Variants in LRPPRC observed in about 807,000 individuals in gnomAD.
LRPPRC encodes leucine rich pentatricopeptide repeat containing, also known as leucine-rich PPR motif-containing protein, mitochondrial.
Under a neutral mutation model 180.3 loss-of-function variants are expected in LRPPRC, and 120 were observed. The observed-to-expected ratio is 0.67, with a 90% CI of 0.57 to 0.77. The LOEUF is 0.77. Ranked by LOEUF, LRPPRC falls within the 30% of genes least tolerant of loss-of-function variation. The probability of loss-of-function intolerance (pLI) is 0.00; values close to 1 mark genes in which losing one functional copy is unlikely to be tolerated. For missense variants in LRPPRC, 2,012 were observed against 1,657.2 expected, an observed-to-expected ratio of 1.21 and a Z score of -3.72; for synonymous variants, 723 against 600.0, an observed-to-expected ratio of 1.21 and a Z score of -3.00.
At chr2:43,942,006 A>G (rs1325008355) in intron 23 of LRPPRC, among the ~76,000 whole-genome samples, 1 of 152,152 alleles carries the variant, frequency 6.6e-6, no homozygotes, top group African/African-American at 2.4e-5. Flanking sequence ...AGACACAGAA[A>G]TATCTGACTT....
intron 31 of LRPPRC, among the ~76,000 whole-genome samples, chr2:43,904,178 G>T (rs1290897383): frequency 6.6e-6 from 1 of 152,126 alleles, no homozygotes. Flanking sequence ...CTGGACTCAA[G>T]CAATCCTCCT....
At position 43,974,191 on chromosome 2, in the gene LRPPRC, A is replaced by G; in HGVS notation, c.1114T>C (p.Phe372Leu). Residue 372 changes from phenylalanine (F) to leucine (L), a missense_variant, in exon 9 of 38, where the codon TTT becomes CTT. Transcript: ENST00000260665. ...CAGTGTTGTAAAAAGAAACTGCCAA[A>G]GACACTTGGGCCATCTTCCTTTGAT... ...PVSKEDGPSV[F>L]GSFFLQHCVT... The G allele has an allele frequency of 6.2e-7, 1 of 1,613,804 alleles. No homozygotes were observed. Among genetic ancestry groups the G allele is most frequent in the Non-Finnish European group, 8.5e-7 (1 of 1,179,660 alleles).
At chr2:43,963,234 C>T (rs1477857565) in intron 12 of LRPPRC, among the ~76,000 whole-genome samples, 3 of 152,100 alleles carry the variant, frequency 2.0e-5, no homozygotes. Flanking sequence ...CACCTGAGGT[C>T]GGGAGTTTGA....
chr2:43,934,500 AT>A (rs943145566), intron 24 of LRPPRC, among the ~76,000 whole-genome samples: 4 of 152,128 alleles, frequency 2.6e-5, no homozygotes, highest in African/African-American at 4.8e-5. Flanking sequence ...GGTAAAAAAA[AT>A]CTTCATAAAG....
intron 32 of LRPPRC, among the ~76,000 whole-genome samples, chr2:43,900,116 C>T (rs1173973283): frequency 6.6e-6 from 1 of 152,072 alleles, no homozygotes. Flanking sequence ...ATGTCTCTAA[C>T]TTATGGTCGC....
chr2:43,971,837 T>C (rs1673829690), intron 11 of LRPPRC, among the ~76,000 whole-genome samples: 1 of 152,188 alleles, frequency 6.6e-6, no homozygotes, highest in Non-Finnish European at 1.5e-5. Flanking sequence ...GAATATATAC[T>C]TTACTATCTT....
At chr2:43,987,164 T>G (rs1674562301) in intron 1 of LRPPRC, among the ~76,000 whole-genome samples, 1 of 152,124 alleles carries the variant, frequency 6.6e-6, no homozygotes. Context: ...GAGTTTTAAA[T>G]GTATCCAAAA....
intron 16 of LRPPRC, 40 bp downstream of exon 16, chr2:43,949,562 A>G: frequency 6.5e-7 from 1 of 1,533,578 alleles, no homozygotes; most frequent in Non-Finnish European, 9.0e-7. Context: ...AGAAAAATGG[A>G]TTTGTGGATA....
chr2:43,946,148 A>G lies in LRPPRC; in HGVS notation c.2175T>C (p.Asp725=). Residue 725 remains aspartate, a synonymous_variant, in exon 21 of 38, where the codon GAT becomes GAC. Transcript: ENST00000260665. ...AALINLCCRH[D]KVEDALNLKE... is the part of the protein sequence containing the mutation. ...TCAAGTTCAAGGCATCTTCTACTTTATCATGTCGACAGCATAAATTTATTA... is the reference window on the plus strand; with the variant it reads ...TCAAGTTCAAGGCATCTTCTACTTTGTCATGTCGACAGCATAAATTTATTA... 6.2e-7 allele frequency: 1 copy of G among 1,612,630 alleles called. No individual in the cohort carries two copies. Among genetic ancestry groups the G allele is most frequent in the Non-Finnish European group, 8.5e-7 (1 of 1,178,830 alleles).
intron 6 of LRPPRC, among the ~76,000 whole-genome samples, chr2:43,975,836 G>C (rs1018362464): frequency 1.3e-4 from 20 of 152,084 alleles, no homozygotes; most frequent in African/African-American, 4.8e-4. Context: ...GCCCACCTCA[G>C]CCTCCCAAAG....
chr2:43,918,999 G>A (rs996872643), intron 27 of LRPPRC, among the ~76,000 whole-genome samples: 4 of 151,974 alleles, frequency 2.6e-5, no homozygotes, highest in Non-Finnish European at 5.9e-5. Context: ...AAAGGCTACA[G>A]GTACTGGTCC....
In LRPPRC at chr2:43,963,941, A is replaced by C. The variant is rs72879125; in HGVS notation, c.1370-235T>G. The stretch of plus-strand genomic sequence containing the variant: ...ATTTCAAGAAACTATCCTTGAAATT[A>C]TAAGTATAAAGAAACTTGAAACAAT... On this transcript the variant is annotated intron_variant, in intron 11 of 37. Coordinates refer to ENST00000260665, the MANE Select transcript of LRPPRC (RefSeq NM_133259.4). The C allele has an allele frequency of 1.6e-5, 9 of 565,520 alleles. No homozygotes were observed. The Middle Eastern group carries it at 1.4e-3, about 89-fold the overall frequency. 35.0% of individuals were successfully genotyped at this position (565,520 alleles called of 1,614,324 possible). A position where few individuals can be genotyped will look rare whatever the true frequency, so the allele number is the denominator to read the frequency against.
intron 34 of LRPPRC, among the ~76,000 whole-genome samples, chr2:43,897,503 C>T (rs746601951): frequency 2.0e-5 from 3 of 152,144 alleles, no homozygotes; most frequent in Non-Finnish European, 2.9e-5. Context: ...AGAACATTTA[C>T]ATTACGCACT....
intron 29 of LRPPRC, among the ~76,000 whole-genome samples, chr2:43,915,697 A>T (rs1232377940): frequency 6.6e-6 from 1 of 152,172 alleles, no homozygotes; most frequent in Admixed American, 6.5e-5. Flanking sequence ...ATGACTCAGA[A>T]TGAATAAAAA....
chr2:43,966,504 G>C (rs1673566232), intron 11 of LRPPRC, among the ~76,000 whole-genome samples: 1 of 151,514 alleles, frequency 6.6e-6, no homozygotes, highest in South Asian at 2.1e-4. Context: ...TCCACCTCCT[G>C]GGTTCAAGCG....
intron 30 of LRPPRC, among the ~76,000 whole-genome samples, chr2:43,908,858 C>T (rs6756365): frequency 6.6e-6 from 1 of 151,998 alleles, no homozygotes; most frequent in Non-Finnish European, 1.5e-5. Context: ...TCAAGGTTGA[C>T]CAAGTGACCT....
At chr2:43,948,061 T>A in intron 18 of LRPPRC, 61 bp downstream of exon 18, 1 of 1,144,664 alleles carries the variant, frequency 8.7e-7, no homozygotes, top group Non-Finnish European at 1.3e-6. Context: ...AAATAAAATT[T>A]TAACATGCTG....
At chr2:43,987,402 G>A (rs762234353) in intron 1 of LRPPRC, among the ~76,000 whole-genome samples, 10 of 150,936 alleles carry the variant, frequency 6.6e-5, no homozygotes, top group Non-Finnish European at 1.2e-4. Context: ...AGCTGAGGCA[G>A]GAGAATGGCG....
chr2:43,995,087 A>G (rs528811857), intron 1 of LRPPRC, among the ~76,000 whole-genome samples: 91 of 152,282 alleles, frequency 6.0e-4, no homozygotes, highest in Admixed American at 2.7e-3. Flanking sequence ...CTAAAAGTAC[A>G]AAAGTTAGCC....
Sources: allele counts gnomAD v4.1 joint callset (sites outside exome capture counted in the v4.1 genomes callset), GRCh38; gene constraint gnomAD v4.1.1; transcripts MANE v1.5; gene names NCBI Gene and HGNC (gene_info 2026-07-23, HGNC 2026-07-21).